The following TMF1 variants were observed in gnomAD, a reference collection of about 807,000 sequenced individuals.
TMF1 encodes TATA element modulatory factor.
TMF1 carries 71 observed loss-of-function variants against 126.5 expected under a neutral mutation model. The ratio of observed to expected loss-of-function variants is 0.56; its 90% CI spans 0.46 to 0.68. The LOEUF (loss-of-function observed/expected upper bound fraction) is 0.68, where lower values mean the gene tolerates loss of function less well. Ranked by LOEUF, TMF1 falls within the 30% of genes least tolerant of loss-of-function variation. The pLI, the probability that TMF1 is intolerant of heterozygous loss-of-function variation, is 0.00. For missense variants in TMF1, 1,259 were observed against 1,253.2 expected, an observed-to-expected ratio of 1.00 and a Z score of -0.07; for synonymous variants, 461 against 430.5, an observed-to-expected ratio of 1.07 and a Z score of -0.88.
chr3:69,052,190 TG>T lies in TMF1; in HGVS notation c.-105del. The T allele has an allele frequency of 3.0e-6, 4 of 1,332,720 alleles. No homozygotes were observed. The highest frequency in any genetic ancestry group is 4.0e-6 in the Non-Finnish European group (4 of 995,816). The allele number at this position is 1,332,720 out of a possible 1,614,324, so 82.6% of individuals were successfully genotyped here. A position where few individuals can be genotyped will look rare whatever the true frequency, so the allele number is the denominator to read the frequency against. On this transcript the variant is annotated 5_prime_UTR_variant, in exon 1 of 17. Transcript: ENST00000398559. The stretch of plus-strand genomic sequence containing the variant: ...GCTTCGCTCCCCTTTTCCACTCGGC[TG>T]GTTCTGTCAGCGTGTGGCCATTACC...
In TMF1 at chr3:69,020,069, A is replaced by G. The variant is rs986198471; in HGVS notation, c.*3108T>C. 2.0e-5 allele frequency: 3 copies of G among 152,156 alleles called. No individual in the cohort carries two copies. The highest frequency in any genetic ancestry group is 7.2e-5 in the African/African-American group (3 of 41,466). 9.4% of individuals were successfully genotyped at this position (152,156 alleles called of 1,614,324 possible). A position where few individuals can be genotyped will look rare whatever the true frequency, so the allele number is the denominator to read the frequency against. ...TACGTACTAAACATACAGTATTAAA[A>G]CAAGATAAAACATCTACAGTTTTCT... On this transcript the variant is annotated 3_prime_UTR_variant, in exon 17 of 17. Coordinates refer to ENST00000398559, the MANE Select transcript of TMF1 (RefSeq NM_007114.3).
Position 69,020,874 on chromosome 3 carries a change from T to C in TMF1, c.*2303A>G, listed in dbSNP as rs1171545981. The C allele has an allele frequency of 6.6e-6, 1 of 152,162 alleles. No homozygotes were observed. Among genetic ancestry groups the C allele is most frequent in the East Asian group, 1.9e-4 (1 of 5,196 alleles). 9.4% of individuals were successfully genotyped at this position (152,162 alleles called of 1,614,324 possible). A position where few individuals can be genotyped will look rare whatever the true frequency, so the allele number is the denominator to read the frequency against. On this transcript the variant is annotated 3_prime_UTR_variant, in exon 17 of 17. Transcript: ENST00000398559. The stretch of plus-strand genomic sequence containing the variant: ...TAAAATTGAAAAGTTTAGGAATGAG[T>C]TTTATTGCAATCTTTTCTCTGCAAA...
chr3:69,044,678 A>G (rs1201598972), intron 2 of TMF1, 83 bp from the exon 3 acceptor site: 2 of 795,168 alleles, frequency 2.5e-6, no homozygotes, highest in Non-Finnish European at 4.1e-6. Context: ...ACTGTAACAA[A>G]GAAAACAGCT....
At chr3:69,023,481 A>G (rs1016626472) in intron 16 of TMF1, among the ~76,000 whole-genome samples, 161 bp from the exon 17 acceptor site, 1 of 152,124 alleles carries the variant, frequency 6.6e-6, no homozygotes, top group Non-Finnish European at 1.5e-5. Context: ...ATGTTGAACT[A>G]AATAGCAAAA....
At position 69,048,061 on chromosome 3, in the gene TMF1, G is replaced by GT; in HGVS notation, c.643dup (p.Thr215AsnfsTer16). On this transcript the variant is annotated frameshift_variant, in exon 2 of 17. Transcript: ENST00000398559. LOFTEE classifies it high-confidence loss of function. ...CTTTGTTTCTGCTGTGAGAGACTGC[G>GT]TAGACGTATTAGATATACTTTCCAT... 6.2e-7 allele frequency: 1 copy of GT among 1,614,062 alleles called. No homozygotes were observed. The highest frequency in any genetic ancestry group is 8.5e-7 in the Non-Finnish European group (1 of 1,180,026).
In TMF1 at chr3:69,027,392, G is replaced by A. The variant is rs570689162; in HGVS notation, c.2757+508C>T. Reference sequence around the variant, plus strand: ...GCCTATAGACCAAATGATGTGCACTGGTTTCAGTGACAGACAATTAAATTC... The same window carrying A: ...GCCTATAGACCAAATGATGTGCACTAGTTTCAGTGACAGACAATTAAATTC... On this transcript the variant is annotated intron_variant, in intron 13 of 16. Coordinates refer to ENST00000398559, the MANE Select transcript of TMF1 (RefSeq NM_007114.3). Among the ~76,000 whole-genome samples the A allele has an allele frequency of 5.9e-5, 9 of 152,228 alleles. No homozygotes were observed. The South Asian group carries it at 1.9e-3, about 32-fold the overall frequency.
chr3:69,036,436 T>A (rs989679608), intron 8 of TMF1, among the ~76,000 whole-genome samples: 5 of 152,152 alleles, frequency 3.3e-5, no homozygotes, highest in African/African-American at 1.2e-4. Context: ...ACAGTGTGAA[T>A]AATAAACTGT....
intron 10 of TMF1, among the ~76,000 whole-genome samples, chr3:69,032,539 A>G (rs982339760): frequency 2.6e-5 from 4 of 152,106 alleles, no homozygotes; most frequent in African/African-American, 9.7e-5. Context: ...ACATTTTAGA[A>G]TAATACTTTT....
At chr3:69,032,097 A>T (rs1364862444) in intron 10 of TMF1, among the ~76,000 whole-genome samples, 1 of 152,170 alleles carries the variant, frequency 6.6e-6, no homozygotes, top group Admixed American at 6.5e-5. Flanking sequence ...CAAATCTTTC[A>T]TGGAACTCCA....
chr3:69,027,968 T>G lies in TMF1; in HGVS notation c.2689A>C (p.Met897Leu). ...EKTLLNSQLE[M>L]ERMKVEQERK... ...TCTTGTTCAACTTTCATTCTTTCCA[T>G]TTCTAACTGACTATTCAACAATGTC... Residue 897 changes from methionine to leucine, a missense_variant, in exon 13 of 17, where the codon ATG (methionine) becomes CTG (leucine). Transcript: ENST00000398559. The G allele has an allele frequency of 6.3e-7, 1 of 1,579,900 alleles. No individual in the cohort carries two copies.
chr3:69,043,591 G>A (rs2091879423), intron 4 of TMF1, among the ~76,000 whole-genome samples, 159 bp downstream of exon 4: 1 of 152,178 alleles, frequency 6.6e-6, no homozygotes, highest in Non-Finnish European at 1.5e-5. Context: ...ATAGACATGA[G>A]CCACCACACG....
intron 2 of TMF1, 82 bp downstream of exon 2, chr3:69,047,276 C>A (rs970331893): frequency 7.0e-7 from 1 of 1,423,156 alleles, no homozygotes; most frequent in Non-Finnish European, 9.4e-7. Flanking sequence ...AATTATTATG[C>A]ATCAATGAAA....
chr3:69,028,344 A>G, intron 11 of TMF1, 49 bp from the exon 12 acceptor site: 1 of 1,282,640 alleles, frequency 7.8e-7, no homozygotes, highest in African/African-American at 1.5e-5. Flanking sequence ...AAAAGATGCT[A>G]GTATAGACTA....
In TMF1 at chr3:69,043,769, T is replaced by C. The variant is rs1468555705; in HGVS notation, c.1559A>G (p.Glu520Gly). The change falls in exon 4 of 17, where the codon GAG becomes GGG. Residue 520 changes from glutamate (E) to glycine (G), a missense_variant. Glu to Gly is a moderately conservative substitution (Grantham distance 98). Transcript: ENST00000398559. Reference protein sequence around the residue: ...AEKKVQLACKERDAAKKEIKN... With the variant: ...AEKKVQLACKGRDAAKKEIKN... ...AATTACCTTTTTAGCAGCATCTCTC[T>C]CTTTGCAGGCTAGTTGAACTTTCTT... The C allele has an allele frequency of 6.2e-7, 1 of 1,609,538 alleles. No homozygotes were observed. Among genetic ancestry groups the C allele is most frequent in the African/African-American group, 1.3e-5 (1 of 74,800 alleles).
At position 69,035,266 on chromosome 3, in the gene TMF1, C is replaced by T. The variant is rs1390358627; in HGVS notation, c.2152-151G>A. On this transcript the variant is annotated intron_variant, in intron 8 of 16. Coordinates refer to ENST00000398559, the MANE Select transcript of TMF1 (RefSeq NM_007114.3). ...TTTTACATATGATTATCACATCTCT[C>T]ATTCATCAAGCAATTCTAAAACTGT... 8.1e-6 allele frequency: 5 copies of T among 618,828 alleles called. No homozygotes were observed. In the East Asian group the frequency reaches 1.4e-4, roughly 17 times the overall value. The allele number at this position is 618,828 out of a possible 1,614,324, so 38.3% of individuals were successfully genotyped here.
At chr3:69,036,844 G>C (rs183679456) in intron 8 of TMF1, among the ~76,000 whole-genome samples, 33 of 152,264 alleles carry the variant, frequency 2.2e-4, no homozygotes, top group African/African-American at 7.9e-4. Context: ...AACTGATGAA[G>C]ATCTGCATAA....
chr3:69,048,692 C>T, intron 1 of TMF1, 130 bp from the exon 2 acceptor site: 1 of 845,878 alleles, frequency 1.2e-6, no homozygotes, highest in Non-Finnish European at 1.7e-6. Context: ...TTTGCACCTG[C>T]TAAACTCCTT....
intron 2 of TMF1, among the ~76,000 whole-genome samples, chr3:69,047,091 G>A (rs555064282): frequency 1.3e-5 from 2 of 152,162 alleles, no homozygotes; most frequent in East Asian, 3.9e-4. Flanking sequence ...AAGTGATAAG[G>A]ACTCAAAAAT....
In TMF1 at chr3:69,020,047, G is replaced by A. The variant is rs953097784; in HGVS notation, c.*3130C>T. On this transcript the variant is annotated 3_prime_UTR_variant, in exon 17 of 17. Coordinates refer to ENST00000398559, the MANE Select transcript of TMF1 (RefSeq NM_007114.3). ...GATACACTAGAACATAAATGTATACGTACTAAACATACAGTATTAAAACAA... is the reference window on the plus strand; with the variant it reads ...GATACACTAGAACATAAATGTATACATACTAAACATACAGTATTAAAACAA... 3.9e-5 allele frequency: 6 copies of A among 151,906 alleles called. No homozygotes were observed. Among genetic ancestry groups the A allele is most frequent in the South Asian group, 2.1e-4 (1 of 4,832 alleles). The allele number at this position is 151,906 out of a possible 1,614,324, so 9.4% of individuals were successfully genotyped here.
Sources: gnomAD v4.1 joint callset for allele counts (sites outside exome capture counted in the v4.1 genomes callset) on GRCh38, gnomAD v4.1.1 for gene constraint, MANE v1.5 for transcripts, NCBI Gene and HGNC (gene_info 2026-07-23, HGNC 2026-07-21) for gene names.